Variants in C6orf132 observed in about 807,000 individuals in gnomAD.
C6orf132 encodes the protein uncharacterized protein C6orf132.
In C6orf132, 43 loss-of-function variants were observed where a neutral mutation model predicts 65.3. That is an observed-to-expected ratio of 0.66 (90% CI 0.52 to 0.85). The LOEUF (loss-of-function observed/expected upper bound fraction) is 0.85, where lower values mean the gene tolerates loss of function less well. C6orf132 is among the 40% of genes least tolerant of loss of function. The pLI is 0.00. For synonymous variants in C6orf132, 631 were observed against 654.1 expected (o/e 0.96, Z 0.54); for missense variants, 1,488 against 1,548.8 (o/e 0.96, Z 0.66).
chr6:42,140,245 G>C (rs1767011375), intron 1 of C6orf132, among the ~76,000 whole-genome samples: 1 of 152,278 alleles, frequency 6.6e-6, no homozygotes, highest in South Asian at 2.1e-4. Context: ...GAGGGCAGCA[G>C]CTGGCTGGAG....
Position 42,140,850 on chromosome 6 carries a change from C to T in C6orf132, c.145+1450G>A, listed in dbSNP as rs568749574. On this transcript the variant is annotated intron_variant, in intron 1 of 4. Transcript: ENST00000341865. Reference sequence around the variant, plus strand: ...AAGAAGGGATTAATAAATGGTCTTTCCATGGTGCCTCCGTTGAGAGGGAAA... The same window carrying T: ...AAGAAGGGATTAATAAATGGTCTTTTCATGGTGCCTCCGTTGAGAGGGAAA... 9.2e-5 allele frequency among the ~76,000 whole-genome samples: 14 copies of T among 152,304 alleles called. No homozygotes were observed. The South Asian group carries it at 2.1e-3, about 23-fold the overall frequency.
intron 2 of C6orf132, among the ~76,000 whole-genome samples, chr6:42,113,056 T>C (rs1054566048): frequency 2.6e-5 from 4 of 152,160 alleles, no homozygotes; most frequent in Non-Finnish European, 4.4e-5. Flanking sequence ...AACCCAGTGA[T>C]TGGGAACCAG....
chr6:42,113,064 C>G (rs79664281), intron 2 of C6orf132, among the ~76,000 whole-genome samples: 4 of 152,032 alleles, frequency 2.6e-5, no homozygotes, highest in Admixed American at 2.0e-4. Flanking sequence ...GATTGGGAAC[C>G]AGGGGCAGGT....
chr6:42,126,738 G>T, intron 2 of C6orf132: 1 of 354,226 alleles, frequency 2.8e-6, no homozygotes, highest in South Asian at 1.3e-4. Context: ...AGCTACTTGG[G>T]AGGCTGAGGC....
Position 42,106,489 on chromosome 6 carries a change from C to A in C6orf132, c.1423G>T (p.Ala475Ser). ...CTCCTGGAGCCACAGAGATAGGCTG[C>A]CAGCTCGTTCCGCAGCTTTTCCATC... Reference protein sequence around the residue: ...SQMEKLRNELAAYLCGSRRED... With the variant: ...SQMEKLRNELSAYLCGSRRED... The change falls in exon 4 of 5, where the codon GCA (alanine) becomes TCA (serine). Residue 475 changes from alanine to serine, a missense_variant. Physicochemically the swap from Ala to Ser is moderately conservative, Grantham distance 99. Coordinates refer to ENST00000341865, the MANE Select transcript of C6orf132 (RefSeq NM_001164446.3). 1 of 1,536,504 alleles carries A rather than the reference C, an allele frequency of 6.5e-7. No homozygotes were observed. The highest frequency in any genetic ancestry group is 2.4e-5 in the East Asian group (1 of 40,908).
intron 2 of C6orf132, among the ~76,000 whole-genome samples, chr6:42,118,311 C>CCCCA (rs1397945011): frequency 6.6e-6 from 1 of 152,106 alleles, no homozygotes; most frequent in Non-Finnish European, 1.5e-5. Flanking sequence ...TTTCCAGGAG[C>CCCCA]CCCAGACCAG....
chr6:42,125,100 G>A (rs1766744327), intron 2 of C6orf132, among the ~76,000 whole-genome samples: 1 of 152,154 alleles, frequency 6.6e-6, no homozygotes, highest in African/African-American at 2.4e-5. Flanking sequence ...TGCCCAGCAG[G>A]CCCAGGCTGC....
chr6:42,112,307 A>G (rs1766508872), intron 2 of C6orf132, among the ~76,000 whole-genome samples: 2 of 152,168 alleles, frequency 1.3e-5, no homozygotes, highest in African/African-American at 4.8e-5. Flanking sequence ...CCCACTCCTT[A>G]GTATTTTGCC....
At chr6:42,120,246 C>CTT (rs58477278) in intron 2 of C6orf132, among the ~76,000 whole-genome samples, 2 of 141,624 alleles carry the variant, frequency 1.4e-5, no homozygotes, top group Admixed American at 7.1e-5. Context: ...TTGCGAGGTT[C>CTT]TTTTTTTTTT....
chr6:42,106,594 C>A lies in C6orf132; in HGVS notation c.1318G>T (p.Ala440Ser). The A allele has an allele frequency of 6.5e-7, 1 of 1,535,742 alleles. No homozygotes were observed. Among genetic ancestry groups the A allele is most frequent in the Non-Finnish European group, 8.7e-7 (1 of 1,146,724 alleles). ...FTKTPKSSSPALKPKPNPPSP... is the reference protein window; with the variant it reads ...FTKTPKSSSPSLKPKPNPPSP... ...GGGGGGTTGGGTTTGGGTTTGAGAG[C>A]AGGAGAGCTGGATTTAGGGGTTTTT... is the stretch of plus-strand genomic sequence containing the variant. The change falls in exon 4 of 5, where the codon GCT becomes TCT. Residue 440 changes from alanine (A) to serine (S), a missense_variant. By Grantham distance (99) the Ala-to-Ser change is moderately conservative (BLOSUM62 1). Transcript: ENST00000341865.
In C6orf132 at chr6:42,133,672, G is replaced by A. The variant is rs554067532; in HGVS notation, c.146-4894C>T. Among the ~76,000 whole-genome samples, 3 of 152,014 alleles carry A rather than the reference G, an allele frequency of 2.0e-5. No homozygotes were observed. In the South Asian group the frequency reaches 6.2e-4, roughly 32 times the overall value. ...CAAATAATGCAGTGATAAAATAGGGGTAAATCCAGGTCTGCCTCCATTGAC... is the reference window on the plus strand; with the variant it reads ...CAAATAATGCAGTGATAAAATAGGGATAAATCCAGGTCTGCCTCCATTGAC... On this transcript the variant is annotated intron_variant, in intron 1 of 4. Coordinates refer to ENST00000341865, the MANE Select transcript of C6orf132 (RefSeq NM_001164446.3).
Position 42,103,859 on chromosome 6 carries a change from GGGT to G in C6orf132, c.3466_3468del (p.Thr1156del), listed in dbSNP as rs1477938324. ...AACGTGTTGATGGGGCTTCCATAGC[GGGT>G]GGTGGTGTAGGGAGACCTGGGGGAG... On this transcript the variant is annotated inframe_deletion, in exon 5 of 5. Coordinates refer to ENST00000341865, the MANE Select transcript of C6orf132 (RefSeq NM_001164446.3). The G allele has an allele frequency of 1.3e-6, 2 of 1,482,560 alleles. No individual in the cohort carries two copies. The highest frequency in any genetic ancestry group is 1.3e-5 in the South Asian group (1 of 76,808). The allele number at this position is 1,482,560 out of a possible 1,614,324, so 91.8% of individuals were successfully genotyped here.
rs1459882788 is a variant in C6orf132 at position 42,112,008 on chromosome 6, A to G, written c.253-1717T>C. On this transcript the variant is annotated intron_variant, in intron 2 of 4. Transcript: ENST00000341865. ...TACACCCATCCCACATTGTAGCTTCACCGACTCCCTCCCTGCCACCTTTTC... is the reference window on the plus strand; with the variant it reads ...TACACCCATCCCACATTGTAGCTTCGCCGACTCCCTCCCTGCCACCTTTTC... Among the ~76,000 whole-genome samples, 4 of 140,792 alleles carry G rather than the reference A, an allele frequency of 2.8e-5. No individual in the cohort carries two copies. In the East Asian group the frequency reaches 8.2e-4, roughly 29 times the overall value. 92.4% of individuals were successfully genotyped at this position (140,792 alleles called of 152,430 possible). A position where few individuals can be genotyped will look rare whatever the true frequency, so the allele number is the denominator to read the frequency against.
Position 42,106,677 on chromosome 6 carries a change from G to T in C6orf132, c.1235C>A (p.Pro412Gln). 6.6e-7 allele frequency: 1 copy of T among 1,517,182 alleles called. No homozygotes were observed. The highest frequency in any genetic ancestry group is 1.4e-5 in the African/African-American group (1 of 71,484). 94.0% of individuals were successfully genotyped at this position (1,517,182 alleles called of 1,614,324 possible). Residue 412 changes from proline (P) to glutamine (Q), a missense_variant, in exon 4 of 5, where the codon CCA becomes CAA. Pro to Gln is a moderately conservative substitution (Grantham distance 76). Coordinates refer to ENST00000341865, the MANE Select transcript of C6orf132 (RefSeq NM_001164446.3). ...PLPPPAPPLP[P>Q]AAPPLPCAQK... ...AGCACAGGGCAAAGGAGGTGCAGCT[G>T]GGGGAAGTGGGGGTGCTGGGGGAGG...
At chr6:42,109,887 A>C (rs1002038201) in intron 3 of C6orf132, among the ~76,000 whole-genome samples, 6 of 152,094 alleles carry the variant, frequency 3.9e-5, no homozygotes, top group Non-Finnish European at 7.4e-5. Context: ...TGCCCAAGGG[A>C]GCAAAGTGAA....
At chr6:42,125,793 C>G (rs1209960288) in intron 2 of C6orf132, among the ~76,000 whole-genome samples, 1 of 151,620 alleles carries the variant, frequency 6.6e-6, no homozygotes, top group Non-Finnish European at 1.5e-5. Context: ...CCAGGTCTGC[C>G]TGGGGTCTAT....
At chr6:42,132,857 A>G (rs1301169972) in intron 1 of C6orf132, among the ~76,000 whole-genome samples, 2 of 98,084 alleles carry the variant, frequency 2.0e-5, no homozygotes, top group African/African-American at 7.8e-5. Flanking sequence ...ACTCTGTCTC[A>G]AAAAAAAAAA....
At chr6:42,128,557 G>T in intron 2 of C6orf132, 115 bp downstream of exon 2, 2 of 751,544 alleles carry the variant, frequency 2.7e-6, no homozygotes, top group Non-Finnish European at 4.5e-6. Context: ...CGCCGGGTCA[G>T]CATCAGGAAG....
Position 42,142,343 on chromosome 6 carries a change from C to T in C6orf132, c.102G>A (p.Trp34Ter). 6.4e-7 allele frequency: 1 copy of T among 1,551,422 alleles called. No homozygotes were observed. The highest frequency in any genetic ancestry group is 8.7e-7 in the Non-Finnish European group (1 of 1,146,856). ...STSLYATNPP[W>*]IFTQEAPEEG... ...CCTCCGGGGCCTCCTGGGTGAAGATCCAGGGCGGATTGGTGGCGTAGAGGG... is the reference window on the plus strand; with the variant it reads ...CCTCCGGGGCCTCCTGGGTGAAGATTCAGGGCGGATTGGTGGCGTAGAGGG... The change falls in exon 1 of 5, where the codon TGG (tryptophan) becomes TGA (stop). Residue 34 changes from tryptophan (W) to a stop codon, truncating the protein, a stop_gained. Coordinates refer to ENST00000341865, the MANE Select transcript of C6orf132 (RefSeq NM_001164446.3). LOFTEE classifies it high-confidence loss of function.
Sources: gnomAD v4.1 joint callset for allele counts (sites outside exome capture counted in the v4.1 genomes callset) on GRCh38, gnomAD v4.1.1 for gene constraint, MANE v1.5 for transcripts, NCBI Gene and HGNC (gene_info 2026-07-23, HGNC 2026-07-21) for gene names.